Variants in FGF12 observed in about 807,000 individuals in gnomAD.
FGF12 encodes fibroblast growth factor 12B.
Under a neutral mutation model 23.6 loss-of-function variants are expected in FGF12, and 14 were observed. The observed-to-expected ratio is 0.59, with a 90% CI of 0.39 to 0.93. The LOEUF is 0.93. Among genes scored for constraint, FGF12 ranks in the 40% least tolerant of loss-of-function variants. FGF12 has a pLI of 0.00. For synonymous variants in FGF12, 62 were observed against 77.3 expected, an observed-to-expected ratio of 0.80 and a Z score of 1.04; for missense variants, 175 against 217.8, an observed-to-expected ratio of 0.80 and a Z score of 1.24.
At chr3:192,693,503 C>T (rs920313067) in intron 2 of FGF12, among the ~76,000 whole-genome samples, 4 of 151,936 alleles carry the variant, frequency 2.6e-5, no homozygotes, top group Admixed American at 6.6e-5. Flanking sequence ...TCACACTTCC[C>T]GATTTCAAAT....
intron 4 of FGF12, among the ~76,000 whole-genome samples, chr3:192,293,646 T>G (rs538871826): frequency 6.6e-6 from 1 of 152,162 alleles, no homozygotes; most frequent in African/African-American, 2.4e-5. Context: ...TATAATTAAT[T>G]AAAGATTTAG....
In FGF12 at chr3:192,579,646, G is replaced by A. The variant is rs147221430; in HGVS notation, c.13+147535C>T. 3.4e-3 allele frequency among the ~76,000 whole-genome samples: 513 copies of A among 152,222 alleles called. 5 individuals are homozygous for A. Among genetic ancestry groups the A allele is most frequent in the Non-Finnish European group, 4.8e-3 (329 of 68,004 alleles). ...TTGGCTCACTGCAACCACTGCCTCC[G>A]GGGTTCAATGCCTCTGGGATTCAAG... is the stretch of plus-strand genomic sequence containing the variant. On this transcript the variant is annotated intron_variant, in intron 2 of 5. Coordinates refer to ENST00000445105, the MANE Select transcript of FGF12 (RefSeq NM_004113.6).
chr3:192,630,161 T>C (rs1715329445), intron 2 of FGF12, among the ~76,000 whole-genome samples: 1 of 152,184 alleles, frequency 6.6e-6, no homozygotes. Context: ...GCTCCTGCTC[T>C]GGCCATGTGA....
At chr3:192,707,411 C>T (rs1346353186) in intron 2 of FGF12, among the ~76,000 whole-genome samples, 1 of 152,080 alleles carries the variant, frequency 6.6e-6, no homozygotes, top group African/African-American at 2.4e-5. Context: ...AACACAGATA[C>T]ACAAATAATA....
chr3:192,293,242 A>C (rs1415445655), intron 4 of FGF12, among the ~76,000 whole-genome samples: 1 of 52,208 alleles, frequency 1.9e-5, no homozygotes. Context: ...ATGTTTACTG[A>C]AAAAAAAATG....
At chr3:192,649,867 A>T (rs1459939597) in intron 2 of FGF12, among the ~76,000 whole-genome samples, 2 of 152,032 alleles carry the variant, frequency 1.3e-5, no homozygotes, top group Non-Finnish European at 2.9e-5. Flanking sequence ...TAACATTTTA[A>T]CTTATGAATT....
intron 2 of FGF12, among the ~76,000 whole-genome samples, chr3:192,643,023 T>C (rs1290725208): frequency 6.6e-6 from 1 of 152,226 alleles, no homozygotes; most frequent in African/African-American, 2.4e-5. Context: ...CCTGGCTGTA[T>C]ATTCACAATC....
At chr3:192,315,412 CT>C (rs921811506) in intron 4 of FGF12, among the ~76,000 whole-genome samples, 7 of 152,318 alleles carry the variant, frequency 4.6e-5, no homozygotes, top group African/African-American at 1.2e-4. Flanking sequence ...GAAAAATCCA[CT>C]GATTTCCCCT....
chr3:192,722,318 TAACCACAAA>T (rs1719063710), intron 2 of FGF12, among the ~76,000 whole-genome samples: 1 of 152,212 alleles, frequency 6.6e-6, no homozygotes, highest in African/African-American at 2.4e-5. Context: ...TGTTATTGTT[TAACCACAAA>T]ATGGCTCTTC....
At chr3:192,287,452 A>G (rs1193517048) in intron 4 of FGF12, among the ~76,000 whole-genome samples, 2 of 152,040 alleles carry the variant, frequency 1.3e-5, no homozygotes, top group African/African-American at 4.8e-5. Context: ...AATTTAGCTT[A>G]TTGTTTTAAT....
intron 2 of FGF12, among the ~76,000 whole-genome samples, chr3:192,563,448 C>G (rs1712135557): frequency 1.3e-5 from 2 of 152,116 alleles, no homozygotes; most frequent in South Asian, 2.1e-4. Context: ...TAGTTTGTTA[C>G]CAGCTGCTGC....
At chr3:192,599,679 A>C (rs1714027172) in intron 2 of FGF12, among the ~76,000 whole-genome samples, 1 of 152,128 alleles carries the variant, frequency 6.6e-6, no homozygotes, top group Non-Finnish European at 1.5e-5. Context: ...CTTTTCTGAG[A>C]CAATCATAGT....
At chr3:192,291,872 G>T (rs898140443) in intron 4 of FGF12, among the ~76,000 whole-genome samples, 2 of 152,022 alleles carry the variant, frequency 1.3e-5, no homozygotes, top group African/African-American at 4.8e-5. Context: ...TAACTAAAAG[G>T]AAAAAAGAAC....
At chr3:192,497,068 T>G (rs1208687226) in intron 2 of FGF12, among the ~76,000 whole-genome samples, 2 of 152,194 alleles carry the variant, frequency 1.3e-5, no homozygotes. Flanking sequence ...TCCAGAATTT[T>G]ATCTTTCTAT....
At chr3:192,303,160 A>C (rs914365719) in intron 4 of FGF12, among the ~76,000 whole-genome samples, 1 of 152,226 alleles carries the variant, frequency 6.6e-6, no homozygotes, top group African/African-American at 2.4e-5. Flanking sequence ...TGTTAATTGC[A>C]ATGTACTTTT....
intron 2 of FGF12, among the ~76,000 whole-genome samples, chr3:192,467,778 A>T (rs539004966): frequency 2.6e-5 from 4 of 152,320 alleles, no homozygotes; most frequent in Non-Finnish European, 4.4e-5. Flanking sequence ...GGCAGAGCTC[A>T]AACTTAAAGA....
rs193072621 is a variant in FGF12, at chr3:192,209,944, G to A, written c.229-39288C>T. ...ACCATTCACTACCTGACTCACTTAC[G>A]TGCTCCTTTGATTAAAGATAAAAAA... On this transcript the variant is annotated intron_variant, in intron 4 of 5. Transcript: ENST00000445105. 9.9e-5 allele frequency among the ~76,000 whole-genome samples: 15 copies of A among 152,104 alleles called. No individual in the cohort carries two copies. In the South Asian group the frequency reaches 1.9e-3, roughly 19 times the overall value.
intron 2 of FGF12, among the ~76,000 whole-genome samples, chr3:192,525,401 CT>C (rs1460801461): frequency 6.6e-6 from 1 of 152,132 alleles, no homozygotes; most frequent in Non-Finnish European, 1.5e-5. Context: ...AATTCAAAGC[CT>C]TGTGAGCCAT....
intron 2 of FGF12, among the ~76,000 whole-genome samples, chr3:192,559,546 A>G (rs1028281563): frequency 6.6e-6 from 1 of 152,016 alleles, no homozygotes; most frequent in Non-Finnish European, 1.5e-5. Context: ...CTAAGCAAGA[A>G]CCATAATGTA....
Sources: gnomAD v4.1 joint callset for allele counts (sites outside exome capture counted in the v4.1 genomes callset) on GRCh38, gnomAD v4.1.1 for gene constraint, MANE v1.5 for transcripts, NCBI Gene and HGNC (gene_info 2026-07-23, HGNC 2026-07-21) for gene names.